Variants in EFCAB11 observed in about 807,000 individuals in gnomAD.
EFCAB11 encodes the protein EF-hand calcium-binding domain-containing protein 11.
A neutral mutation model predicts 23.0 loss-of-function variants in EFCAB11; 14 were observed. The observed-to-expected ratio is 0.61, with a 90% CI of 0.40 to 0.95. The LOEUF (loss-of-function observed/expected upper bound fraction) is 0.95. Among genes scored for constraint, EFCAB11 ranks in the 40% least tolerant of loss-of-function variants. The pLI is 0.00. For missense variants in EFCAB11, 198 were observed against 195.8 expected, an observed-to-expected ratio of 1.01 and a Z score of -0.07; for synonymous variants, 65 against 66.6, an observed-to-expected ratio of 0.98 and a Z score of 0.11.
chr14:89,806,517 A>G (rs937502704), intron 5 of EFCAB11, among the ~76,000 whole-genome samples: 12 of 152,228 alleles, frequency 7.9e-5, no homozygotes, highest in Non-Finnish European at 1.6e-4. Flanking sequence ...GATAAAGTAC[A>G]AAAGTCAAAG....
At position 89,797,227 on chromosome 14, in the gene EFCAB11, A is replaced by G; in HGVS notation, c.*16T>C. ...CTATTGATCTCCCCAGAGTTACCAAAAGTAGTTCACAATAGTTAGGCTTCC... is the reference window on the plus strand; with the variant it reads ...CTATTGATCTCCCCAGAGTTACCAAGAGTAGTTCACAATAGTTAGGCTTCC... On this transcript the variant is annotated 3_prime_UTR_variant, in exon 6 of 6. Transcript: ENST00000316738. The G allele has an allele frequency of 6.2e-7, 1 of 1,610,384 alleles. No homozygotes were observed. The highest frequency in any genetic ancestry group is 8.5e-7 in the Non-Finnish European group (1 of 1,177,478).
At chr14:89,831,046 G>GA (rs1886867230) in intron 5 of EFCAB11, 1 of 152,608 alleles carries the variant, frequency 6.6e-6, no homozygotes, top group Non-Finnish European at 1.5e-5. Flanking sequence ...GAAGTAGATT[G>GA]ATGGGGGCAA....
At position 89,834,308 on chromosome 14, in the gene EFCAB11, G is replaced by A. The variant is rs890102265; in HGVS notation, c.411-36984C>T. 1.5e-4 allele frequency among the ~76,000 whole-genome samples: 22 copies of A among 146,556 alleles called. 1 individual carries two copies. The highest frequency in any genetic ancestry group is 5.5e-4 in the African/African-American group (22 of 40,008). On this transcript the variant is annotated intron_variant, in intron 5 of 5. Coordinates refer to ENST00000316738, the MANE Select transcript of EFCAB11 (RefSeq NM_145231.4). ...GGTGAATCGCTTGAACCCAGGAGGC[G>A]GAGGTTGCAGCGAGCCGAGATCGCA...
intron 5 of EFCAB11, among the ~76,000 whole-genome samples, chr14:89,844,875 T>C (rs1027687313): frequency 1.3e-5 from 2 of 152,174 alleles, no homozygotes; most frequent in African/African-American, 4.8e-5. Context: ...CTCCTTGGTG[T>C]TGTTTCTGGA....
At chr14:89,941,513 A>G (rs915214932) in intron 3 of EFCAB11, among the ~76,000 whole-genome samples, 1 of 151,550 alleles carries the variant, frequency 6.6e-6, no homozygotes, top group Non-Finnish European at 1.5e-5. Flanking sequence ...TACCGGTGCC[A>G]CTCTGGGCAA....
chr14:89,845,078 AGTGAAATATTATTTT>A (rs1385790450), intron 5 of EFCAB11, among the ~76,000 whole-genome samples: 44 of 152,242 alleles, frequency 2.9e-4, no homozygotes, highest in African/African-American at 1.0e-3. Flanking sequence ...TGCATGATGA[AGTGAAATATTATTTT>A]ACTCTTGCAA....
chr14:89,943,525 G>C (rs2010067579), intron 3 of EFCAB11, among the ~76,000 whole-genome samples: 1 of 152,148 alleles, frequency 6.6e-6, no homozygotes, highest in African/African-American at 2.4e-5. Flanking sequence ...CTACAGGCGT[G>C]AGCTACCACA....
At chr14:89,903,905 CT>C (rs539958797) in intron 5 of EFCAB11, among the ~76,000 whole-genome samples, 3 of 151,980 alleles carry the variant, frequency 2.0e-5, no homozygotes, top group African/African-American at 4.8e-5. Flanking sequence ...AGATGGATTC[CT>C]TTTTTTTATA....
intron 5 of EFCAB11, among the ~76,000 whole-genome samples, chr14:89,823,049 A>C (rs1296320756): frequency 6.6e-6 from 1 of 152,178 alleles, no homozygotes; most frequent in Non-Finnish European, 1.5e-5. Flanking sequence ...GAACATATGA[A>C]AGTGATGAGC....
At chr14:89,913,531 G>A (rs567523788) in intron 5 of EFCAB11, among the ~76,000 whole-genome samples, 2 of 152,230 alleles carry the variant, frequency 1.3e-5, no homozygotes, top group African/African-American at 2.4e-5. Context: ...CTATGATTCC[G>A]TAATCTCTAA....
chr14:89,866,765 T>C (rs574953686), intron 5 of EFCAB11, among the ~76,000 whole-genome samples: 26 of 152,326 alleles, frequency 1.7e-4, no homozygotes, highest in Non-Finnish European at 3.4e-4. Flanking sequence ...GGTAGAGAAA[T>C]GTGTAATGAT....
intron 5 of EFCAB11, among the ~76,000 whole-genome samples, chr14:89,907,528 T>C (rs1405343217): frequency 2.0e-5 from 3 of 152,182 alleles, no homozygotes; most frequent in African/African-American, 7.2e-5. Flanking sequence ...CTTAGGGCTA[T>C]GAAAAGGGTT....
At chr14:89,829,080 A>G (rs1221718931) in intron 5 of EFCAB11, among the ~76,000 whole-genome samples, 1 of 152,120 alleles carries the variant, frequency 6.6e-6, no homozygotes, top group African/African-American at 2.4e-5. Flanking sequence ...CTTTTTTTCA[A>G]TTTTGTTGCT....
chr14:89,882,731 T>C (rs1051815673), intron 5 of EFCAB11, among the ~76,000 whole-genome samples: 1 of 152,192 alleles, frequency 6.6e-6, no homozygotes, highest in East Asian at 1.9e-4. Flanking sequence ...CTCAGTTACA[T>C]ATAATATACA....
intron 5 of EFCAB11, among the ~76,000 whole-genome samples, chr14:89,903,739 C>A (rs1431424420): frequency 6.6e-6 from 1 of 152,098 alleles, no homozygotes; most frequent in Non-Finnish European, 1.5e-5. Context: ...ATGTGAATAA[C>A]CACAATTTAT....
rs1038088080 is a variant in EFCAB11 at position 89,852,562 on chromosome 14, C to G, written c.411-55238G>C. On this transcript the variant is annotated intron_variant, in intron 5 of 5. Coordinates refer to ENST00000316738, the MANE Select transcript of EFCAB11 (RefSeq NM_145231.4). ...TTCCCCAGGAGCCTAGCCCAAGACA[C>G]GTACACAACTTAAATGTTTCATTTT... is the stretch of plus-strand genomic sequence containing the variant. Among the ~76,000 whole-genome samples, 4 of 152,164 alleles carry G rather than the reference C, an allele frequency of 2.6e-5. No homozygotes were observed. In the South Asian group the frequency reaches 6.2e-4, roughly 24 times the overall value.
chr14:89,825,642 G>A (rs868154371), intron 5 of EFCAB11, among the ~76,000 whole-genome samples: 24 of 152,160 alleles, frequency 1.6e-4, no homozygotes, highest in African/African-American at 5.8e-4. Flanking sequence ...GAAAGTTAGA[G>A]CCTAGAGTCA....
intron 5 of EFCAB11, among the ~76,000 whole-genome samples, chr14:89,848,115 A>T (rs554293405): frequency 2.4e-4 from 36 of 152,336 alleles, no homozygotes; most frequent in African/African-American, 8.2e-4. Flanking sequence ...AATAATCATA[A>T]TAGCTCTCTC....
intron 5 of EFCAB11, among the ~76,000 whole-genome samples, chr14:89,814,994 C>T (rs1378938580): frequency 6.6e-6 from 1 of 152,160 alleles, no homozygotes; most frequent in Non-Finnish European, 1.5e-5. Context: ...ATTGGGACTC[C>T]CCATTTCAAC....
Sources: allele counts gnomAD v4.1 joint callset (sites outside exome capture counted in the v4.1 genomes callset), GRCh38; gene constraint gnomAD v4.1.1; transcripts MANE v1.5; gene names NCBI Gene and HGNC (gene_info 2026-07-23, HGNC 2026-07-21).